SGCZ: variants seen among roughly 807,000 people sequenced by gnomAD.
SGCZ encodes sarcoglycan zeta.
In SGCZ, 40 loss-of-function variants were observed where a neutral mutation model predicts 41.3. The ratio of observed to expected loss-of-function variants is 0.97; its 90% CI spans 0.75 to 1.26. SGCZ has a LOEUF of 1.26. Ranked by LOEUF, SGCZ falls within the 50% of genes most tolerant of loss-of-function variation. The pLI, the probability that SGCZ is intolerant of heterozygous loss-of-function variation, is 0.00. For missense variants in SGCZ, 552 were observed against 369.8 expected (o/e 1.49, Z -4.04); for synonymous variants, 206 against 137.5 (o/e 1.50, Z -3.49).
chr8:14,254,609 C>T (rs1799398944), intron 3 of SGCZ, among the ~76,000 whole-genome samples: 1 of 152,096 alleles, frequency 6.6e-6, no homozygotes, highest in Non-Finnish European at 1.5e-5. Context: ...TATATGAAAA[C>T]ATTAATTTGA....
At chr8:14,572,134 A>T (rs529226515) in intron 1 of SGCZ, among the ~76,000 whole-genome samples, 1 of 152,310 alleles carries the variant, frequency 6.6e-6, no homozygotes, top group East Asian at 1.9e-4. Context: ...AAATTGCATT[A>T]ATACATGTTC....
intron 5 of SGCZ, among the ~76,000 whole-genome samples, chr8:14,151,941 A>T (rs1189705529): frequency 3.1e-5 from 4 of 127,740 alleles, no homozygotes; most frequent in African/African-American, 9.8e-5. Context: ...ATCAACCAAA[A>T]ATATATCATA....
intron 1 of SGCZ, among the ~76,000 whole-genome samples, chr8:15,105,426 G>A (rs1187830266): frequency 6.6e-6 from 1 of 152,134 alleles, no homozygotes; most frequent in African/African-American, 2.4e-5. Flanking sequence ...TGGCTAGGGT[G>A]CCTCAGGAAA....
chr8:14,963,338 C>CTTT (rs34842580), intron 1 of SGCZ, among the ~76,000 whole-genome samples: 5 of 145,666 alleles, frequency 3.4e-5, no homozygotes, highest in African/African-American at 1.3e-4. Flanking sequence ...TCTTTTTCTT[C>CTTT]TTTTTTTTTT....
At chr8:14,393,769 C>A (rs764379431) in intron 2 of SGCZ, among the ~76,000 whole-genome samples, 2 of 152,132 alleles carry the variant, frequency 1.3e-5, no homozygotes, top group African/African-American at 2.4e-5. Context: ...ACAACCCAGC[C>A]GCTTCAATAT....
chr8:14,822,455 A>G (rs1297800528), intron 1 of SGCZ, among the ~76,000 whole-genome samples: 2 of 152,204 alleles, frequency 1.3e-5, no homozygotes, highest in Non-Finnish European at 2.9e-5. Flanking sequence ...TCAAAATACA[A>G]CTGACATTAT....
intron 1 of SGCZ, among the ~76,000 whole-genome samples, chr8:15,229,256 C>G (rs1801873369): frequency 6.6e-6 from 1 of 152,000 alleles, no homozygotes; most frequent in Admixed American, 6.6e-5. Flanking sequence ...TGAGGCACAT[C>G]TACTGAAACA....
At chr8:14,512,681 G>T (rs1218103468) in intron 2 of SGCZ, among the ~76,000 whole-genome samples, 1 of 151,758 alleles carries the variant, frequency 6.6e-6, no homozygotes, top group Non-Finnish European at 1.5e-5. Flanking sequence ...GCCCAGGCTG[G>T]TTTGAACCCC....
At chr8:14,102,097 TATATATA>T (rs1272382663) in intron 7 of SGCZ, among the ~76,000 whole-genome samples, 28 of 94,446 alleles carry the variant, frequency 3.0e-4, no homozygotes, top group African/African-American at 7.8e-4. Context: ...TATATATATA[TATATATA>T]ATTTTTTTTT....
At chr8:15,172,958 C>A (rs112438043) in intron 1 of SGCZ, among the ~76,000 whole-genome samples, 1 of 152,122 alleles carries the variant, frequency 6.6e-6, no homozygotes, top group Admixed American at 6.5e-5. Flanking sequence ...GAAGTCATTA[C>A]GAGATTTCAT....
At chr8:14,104,408 G>T (rs1802137786) in intron 6 of SGCZ, among the ~76,000 whole-genome samples, 1 of 135,054 alleles carries the variant, frequency 7.4e-6, no homozygotes, top group Admixed American at 7.8e-5. Flanking sequence ...CAGTTTTTAA[G>T]GTGTTATGCA....
chr8:14,677,218 C>CA (rs1220676527), intron 1 of SGCZ, among the ~76,000 whole-genome samples: 3 of 151,474 alleles, frequency 2.0e-5, no homozygotes, highest in African/African-American at 7.3e-5. Flanking sequence ...CATTAGCATC[C>CA]AAAAATAAAA....
chr8:14,614,509 C>T (rs181165166), intron 1 of SGCZ, among the ~76,000 whole-genome samples: 89 of 152,048 alleles, frequency 5.9e-4, no homozygotes, highest in African/African-American at 2.0e-3. Flanking sequence ...TATTTGTAGC[C>T]TTTTATCTTT....
At chr8:14,826,778 GTTGT>G (rs1216106625) in intron 1 of SGCZ, among the ~76,000 whole-genome samples, 11 of 152,142 alleles carry the variant, frequency 7.2e-5, no homozygotes, top group Admixed American at 6.6e-4. Flanking sequence ...TTTTGATGGG[GTTGT>G]TTGTTTTCTT....
intron 2 of SGCZ, among the ~76,000 whole-genome samples, chr8:14,536,663 A>T (rs192727556): frequency 1.8e-3 from 268 of 152,020 alleles, no homozygotes; most frequent in African/African-American, 6.3e-3. Flanking sequence ...GCACTTAAAC[A>T]TAATTCCTTT....
chr8:14,942,077 A>G (rs1585398317), intron 1 of SGCZ, among the ~76,000 whole-genome samples: 1 of 152,016 alleles, frequency 6.6e-6, no homozygotes, highest in African/African-American at 2.4e-5. Flanking sequence ...AACCCCCAGC[A>G]GGAGACATGC....
At chr8:14,663,283 C>G (rs936326812) in intron 1 of SGCZ, among the ~76,000 whole-genome samples, 1 of 152,154 alleles carries the variant, frequency 6.6e-6, no homozygotes, top group African/African-American at 2.4e-5. Context: ...TTATTAGCAT[C>G]CCATAATAAA....
intron 5 of SGCZ, among the ~76,000 whole-genome samples, chr8:14,111,559 G>A (rs575633592): frequency 2.0e-5 from 3 of 152,200 alleles, no homozygotes; most frequent in Non-Finnish European, 4.4e-5. Flanking sequence ...ATTTTAAGGG[G>A]CTGTTCAAAA....
At chr8:14,233,077 A>G (rs529846964) in intron 4 of SGCZ, among the ~76,000 whole-genome samples, 1 of 152,146 alleles carries the variant, frequency 6.6e-6, no homozygotes, top group East Asian at 1.9e-4. Context: ...ATGCTAACAA[A>G]ACGAACAAAT....
Sources: allele counts gnomAD v4.1 joint callset (sites outside exome capture counted in the v4.1 genomes callset), GRCh38; gene constraint gnomAD v4.1.1; transcripts MANE v1.5; gene names NCBI Gene and HGNC (gene_info 2026-07-23, HGNC 2026-07-21).